PCDHGA2: variants seen among roughly 807,000 people sequenced by gnomAD.
PCDHGA2 encodes protocadherin gamma-A2.
PCDHGA2 carries 40 observed loss-of-function variants against 59.2 expected under a neutral mutation model. The ratio of observed to expected loss-of-function variants is 0.68; its 90% CI spans 0.52 to 0.88. The LOEUF (loss-of-function observed/expected upper bound fraction) is 0.88. Among genes scored for constraint, PCDHGA2 ranks in the 40% least tolerant of loss-of-function variants. The probability of loss-of-function intolerance (pLI) is 0.00; values close to 1 mark genes in which losing one functional copy is unlikely to be tolerated. For synonymous variants in PCDHGA2, 560 were observed against 526.0 expected (o/e 1.06, Z -0.89); for missense variants, 1,226 against 1,204.0 (o/e 1.02, Z -0.27).
intron 1 of PCDHGA2, chr5:141,408,377 C>A: frequency 6.2e-7 from 1 of 1,614,020 alleles, no homozygotes; most frequent in Non-Finnish European, 8.5e-7. Flanking sequence ...GCTCAGTGTC[C>A]TGGATGTGTC....
At chr5:141,403,672 G>A in intron 1 of PCDHGA2, 1 of 1,613,846 alleles carries the variant, frequency 6.2e-7, no homozygotes, top group Non-Finnish European at 8.5e-7. Context: ...ATAATGCCCC[G>A]GTTTTTGCTC....
chr5:141,374,122 G>C, intron 1 of PCDHGA2: 5 of 1,597,596 alleles, frequency 3.1e-6, no homozygotes, highest in Non-Finnish European at 4.3e-6. Context: ...GCAGCGAGCA[G>C]GTCCTGCTCC....
At chr5:141,380,058 C>T (rs1231461261) in intron 1 of PCDHGA2, among the ~76,000 whole-genome samples, 2 of 151,888 alleles carry the variant, frequency 1.3e-5, no homozygotes, top group Admixed American at 1.3e-4. Context: ...TGCCACCATG[C>T]CTAGCTAATT....
intron 1 of PCDHGA2, chr5:141,376,596 T>C: frequency 6.5e-7 from 1 of 1,549,136 alleles, no homozygotes; most frequent in South Asian, 1.2e-5. Flanking sequence ...GATCGGCTGT[T>C]ATAGAAGCGA....
chr5:141,419,006 A>G (rs2096312225), intron 1 of PCDHGA2: 1 of 1,614,006 alleles, frequency 6.2e-7, no homozygotes. Context: ...TGGGGAAGTC[A>G]GGTGTAGCTT....
At chr5:141,370,974 C>G in intron 1 of PCDHGA2, 3 of 1,613,996 alleles carry the variant, frequency 1.9e-6, no homozygotes, top group Non-Finnish European at 2.5e-6. Context: ...GTACCCAGAG[C>G]TAGTACTGAA....
intron 1 of PCDHGA2, chr5:141,374,380 C>T (rs1263045322): frequency 1.2e-6 from 2 of 1,613,894 alleles, no homozygotes; most frequent in Non-Finnish European, 1.7e-6. Context: ...GTGCTCAGAG[C>T]CCGCGGTGTC....
intron 1 of PCDHGA2, chr5:141,346,667 A>C (rs1757791497): frequency 2.9e-6 from 2 of 701,530 alleles, no homozygotes; most frequent in Non-Finnish European, 2.3e-6. Context: ...AAAATAATAC[A>C]TCGTGAGTGA....
intron 1 of PCDHGA2, among the ~76,000 whole-genome samples, chr5:141,380,689 C>T (rs570719600): frequency 4.4e-4 from 67 of 152,288 alleles, no homozygotes; most frequent in South Asian, 2.9e-3. Flanking sequence ...GCTTTGTGTT[C>T]GGAGTAGTCT....
intron 1 of PCDHGA2, chr5:141,423,850 A>G: frequency 1.6e-6 from 2 of 1,278,674 alleles, no homozygotes; most frequent in East Asian, 3.1e-5. Flanking sequence ...ATCTTTCAGA[A>G]CGTTTTTGTG....
intron 1 of PCDHGA2, chr5:141,352,752 G>A: frequency 7.2e-7 from 1 of 1,382,970 alleles, no homozygotes. Context: ...CACTTAACCA[G>A]GCTGAGGCAG....
At chr5:141,422,287 A>G in intron 1 of PCDHGA2, 3 of 1,553,500 alleles carry the variant, frequency 1.9e-6, no homozygotes, top group South Asian at 1.3e-5. Context: ...CACCTCTTCT[A>G]TTAATTCAAT....
At chr5:141,399,911 G>T in intron 1 of PCDHGA2, 1 of 1,612,384 alleles carries the variant, frequency 6.2e-7, no homozygotes. Flanking sequence ...GCAGACTCAG[G>T]ACACAACGCC....
rs781346812 is a variant in PCDHGA2, at chr5:141,489,773, T to A, written c.2425-5034T>A. 6.2e-7 allele frequency: 1 copy of A among 1,614,102 alleles called. No individual in the cohort carries two copies. The highest frequency in any genetic ancestry group is 8.5e-7 in the Non-Finnish European group (1 of 1,179,984). ...TACACTCTAAGCCCCAACAGCCACT[T>A]CTCTCTGAATGTGAAGACCCTAAAA... is the stretch of plus-strand genomic sequence containing the variant. On this transcript the variant is annotated intron_variant, in intron 1 of 3. Transcript: ENST00000394576. The surrounding 1 kb of genome is among the most constrained non-coding windows in gnomAD (Gnocchi z 4.5).
intron 1 of PCDHGA2, among the ~76,000 whole-genome samples, chr5:141,466,558 C>T (rs1407160827): frequency 6.6e-6 from 1 of 152,120 alleles, no homozygotes; most frequent in Non-Finnish European, 1.5e-5. Flanking sequence ...CTGTGGGCTT[C>T]ATCTTCAACA....
chr5:141,490,869 A>G lies in PCDHGA2; in HGVS notation c.2425-3938A>G, dbSNP rs764138126. ...GGGTTCGAGACTCCGGCTCTCCCCCATTGCATGCCAACACATCTCTGCATG... is the reference window on the plus strand; with the variant it reads ...GGGTTCGAGACTCCGGCTCTCCCCCGTTGCATGCCAACACATCTCTGCATG... On this transcript the variant is annotated intron_variant, in intron 1 of 3. Transcript: ENST00000394576. This position sits in a 1 kb window ranked among gnomAD's most constrained non-coding sequence, Gnocchi z 5.4. 4.3e-6 allele frequency: 7 copies of G among 1,613,784 alleles called. No homozygotes were observed. The highest frequency in any genetic ancestry group is 1.7e-5 in the Admixed American group (1 of 60,004).
At chr5:141,372,748 C>G (rs771861396) in intron 1 of PCDHGA2, 13 of 1,613,014 alleles carry the variant, frequency 8.1e-6, no homozygotes, top group East Asian at 2.2e-5. Flanking sequence ...TGTGATGAAG[C>G]CTCTTGGTTT....
chr5:141,500,989 C>T (rs779352768), intron 2 of PCDHGA2, among the ~76,000 whole-genome samples: 1 of 152,040 alleles, frequency 6.6e-6, no homozygotes, highest in Non-Finnish European at 1.5e-5. Context: ...CTGCCTCAGC[C>T]TCCTGAGTAG....
At position 141,491,289 on chromosome 5, in the gene PCDHGA2, C is replaced by T. The variant is rs2099710219; in HGVS notation, c.2425-3518C>T. ...CCAAATCCAGTGACTTCCTCATACA[C>T]CCTCCTGAGCGTTCAGACCTTACCC... On this transcript the variant is annotated intron_variant, in intron 1 of 3. Transcript: ENST00000394576. The surrounding 1 kb of genome is among the most constrained non-coding windows in gnomAD (Gnocchi z 6.9). 2 of 1,614,112 alleles carry T rather than the reference C, an allele frequency of 1.2e-6. No homozygotes were observed. The highest frequency in any genetic ancestry group is 1.7e-6 in the Non-Finnish European group (2 of 1,179,942).
Sources: gnomAD v4.1 joint callset for allele counts (sites outside exome capture counted in the v4.1 genomes callset) on GRCh38, gnomAD v4.1.1 for gene constraint, Gnocchi (gnomAD v3.1) non-coding constraint, MANE v1.5 for transcripts, NCBI Gene and HGNC (gene_info 2026-07-23, HGNC 2026-07-21) for gene names.